The following NALCN variants were observed in gnomAD, a reference collection of about 807,000 sequenced individuals.
The protein encoded by NALCN is sodium leak channel, non-selective, also known as sodium leak channel NALCN.
In NALCN, 111 loss-of-function variants were observed where a neutral mutation model predicts 225.3. That is an observed-to-expected ratio of 0.49 (90% CI 0.42 to 0.58). The LOEUF (loss-of-function observed/expected upper bound fraction) is 0.58, where lower values mean the gene tolerates loss of function less well. Ranked by LOEUF, NALCN falls within the 20% of genes least tolerant of loss-of-function variation. The pLI, the probability that NALCN is intolerant of heterozygous loss-of-function variation, is 0.00. For synonymous variants in NALCN, 764 were observed against 769.0 expected, an observed-to-expected ratio of 0.99 and a Z score of 0.11; for missense variants, 1,378 against 2,202.4, an observed-to-expected ratio of 0.63 and a Z score of 7.49.
At chr13:101,350,799 G>C (rs1303347618) in intron 6 of NALCN, among the ~76,000 whole-genome samples, 2 of 152,130 alleles carry the variant, frequency 1.3e-5, no homozygotes, top group Non-Finnish European at 2.9e-5. Context: ...TAATAGGAAA[G>C]ATTTTGACTT....
chr13:101,359,840 T>G (rs759091118), intron 6 of NALCN, among the ~76,000 whole-genome samples: 1 of 152,166 alleles, frequency 6.6e-6, no homozygotes, highest in Non-Finnish European at 1.5e-5. Context: ...TGTTAAAAAT[T>G]CAGAAACTGA....
chr13:101,095,634 T>C lies in NALCN; in HGVS notation c.3209A>G (p.Asn1070Ser), dbSNP rs1277065548. ...IFRINVSVSK[N>S]LNLKLRPGEK... ...TCCAGGCCTCAATTTTAAATTTAAGTTCTTTGACACACTGACATTAATTCT... is the reference window on the plus strand; with the variant it reads ...TCCAGGCCTCAATTTTAAATTTAAGCTCTTTGACACACTGACATTAATTCT... The change falls in exon 28 of 44, where the codon AAC becomes AGC. Residue 1070 changes from asparagine (N) to serine (S), a missense_variant. Physicochemically the swap from Asn to Ser is conservative, Grantham distance 46. Around this residue, in one of 19 missense-constraint regions of NALCN, gnomAD observed 292 missense variants for 409.5 expected, o/e 0.71. Coordinates refer to ENST00000251127, the MANE Select transcript of NALCN (RefSeq NM_052867.4). 6 of 1,613,398 alleles carry C rather than the reference T, an allele frequency of 3.7e-6. No homozygotes were observed. The highest frequency in any genetic ancestry group is 2.2e-5 in the South Asian group (2 of 90,974).
intron 9 of NALCN, 21 bp downstream of exon 9, chr13:101,291,969 A>G (rs370969566): frequency 6.2e-7 from 1 of 1,612,628 alleles, no homozygotes; most frequent in Non-Finnish European, 8.5e-7. Flanking sequence ...GGGTTATAAC[A>G]TCCTCTTGCT....
intron 1 of NALCN, among the ~76,000 whole-genome samples, chr13:101,415,208 C>CACACATATATATATATATAT (rs1555349509): frequency 2.8e-5 from 3 of 107,808 alleles, no homozygotes; most frequent in African/African-American, 1.1e-4. Context: ...AAATCACACA[C>CACACATATATATATATATAT]ATATATATAT....
intron 6 of NALCN, among the ~76,000 whole-genome samples, chr13:101,364,790 C>G (rs939666452): frequency 6.6e-6 from 1 of 152,068 alleles, no homozygotes; most frequent in Non-Finnish European, 1.5e-5. Flanking sequence ...ATGCCAATTG[C>G]CCTGATTTGA....
chr13:101,134,892 T>A (rs2036694657), intron 17 of NALCN, among the ~76,000 whole-genome samples: 1 of 152,190 alleles, frequency 6.6e-6, no homozygotes, highest in Non-Finnish European at 1.5e-5. Context: ...ATACAGTACT[T>A]AATGATAAGA....
In NALCN at chr13:101,102,720, T is replaced by C. The variant is rs372392846; in HGVS notation, c.3057+452A>G. 3.9e-5 allele frequency among the ~76,000 whole-genome samples: 6 copies of C among 152,382 alleles called. No individual in the cohort carries two copies. In the South Asian group the frequency reaches 6.2e-4, roughly 16 times the overall value. ...ATGTTGCATTTTTAAAGTTGTTTTA[T>C]GTTAACACTCCTGAGATCTAAAGAC... On this transcript the variant is annotated intron_variant, in intron 26 of 43. Coordinates refer to ENST00000251127, the MANE Select transcript of NALCN (RefSeq NM_052867.4).
chr13:101,320,558 A>G (rs2044709225), intron 7 of NALCN, among the ~76,000 whole-genome samples: 1 of 152,134 alleles, frequency 6.6e-6, no homozygotes, highest in South Asian at 2.1e-4. Context: ...TTAAAATAGG[A>G]GAATATTAGA....
At chr13:101,074,693 A>T in intron 35 of NALCN, 31 bp from the exon 36 acceptor site, 1 of 355,694 alleles carries the variant, frequency 2.8e-6, no homozygotes, top group Non-Finnish European at 3.7e-6. Flanking sequence ...GCGGGGAGAC[A>T]GAGAGAGAGA....
At chr13:101,061,425 A>G (rs141671212) in intron 41 of NALCN, among the ~76,000 whole-genome samples, 10,194 of 150,722 alleles carry the variant, frequency 0.068, 464 homozygotes, top group Non-Finnish European at 0.1. Context: ...TGTGTCACCC[A>G]GGCTGGAGTG....
chr13:101,357,298 C>T (rs932734855), intron 6 of NALCN, among the ~76,000 whole-genome samples: 3 of 152,128 alleles, frequency 2.0e-5, no homozygotes, highest in Non-Finnish European at 4.4e-5. Context: ...ATCATCTCAG[C>T]CCGAAAACTC....
intron 7 of NALCN, among the ~76,000 whole-genome samples, chr13:101,311,067 G>C (rs1388074787): frequency 1.3e-5 from 2 of 151,422 alleles, no homozygotes; most frequent in Non-Finnish European, 2.9e-5. Flanking sequence ...CCTTGAAGAG[G>C]TCCTTCACAT....
At chr13:101,358,491 T>C (rs1315248723) in intron 6 of NALCN, among the ~76,000 whole-genome samples, 1 of 152,018 alleles carries the variant, frequency 6.6e-6, no homozygotes, top group Non-Finnish European at 1.5e-5. Context: ...AAAACCACAA[T>C]GCAGTACCAT....
intron 13 of NALCN, among the ~76,000 whole-genome samples, chr13:101,199,347 C>T (rs985250591): frequency 2.0e-5 from 3 of 151,130 alleles, no homozygotes; most frequent in African/African-American, 7.3e-5. Context: ...GACACATGCA[C>T]ACATATGTTT....
intron 15 of NALCN, among the ~76,000 whole-genome samples, chr13:101,151,841 C>T (rs1214762562): frequency 1.3e-5 from 2 of 152,108 alleles, no homozygotes; most frequent in African/African-American, 2.4e-5. Context: ...TTAATAATAC[C>T]TCTGTGTAAT....
chr13:101,348,665 T>C (rs1323754949), intron 6 of NALCN, among the ~76,000 whole-genome samples: 1 of 152,134 alleles, frequency 6.6e-6, no homozygotes, highest in Admixed American at 6.6e-5. Flanking sequence ...TTATATTTGC[T>C]TTTTCTTTCA....
At chr13:101,226,857 C>G (rs558590620) in intron 13 of NALCN, among the ~76,000 whole-genome samples, 1 of 152,260 alleles carries the variant, frequency 6.6e-6, no homozygotes, top group African/African-American at 2.4e-5. Flanking sequence ...TGATCAGGGC[C>G]CAGATGAGGC....
chr13:101,291,399 A>C (rs1178693962), intron 9 of NALCN, among the ~76,000 whole-genome samples: 1 of 152,188 alleles, frequency 6.6e-6, no homozygotes, highest in Non-Finnish European at 1.5e-5. Context: ...GTCAGAATCA[A>C]AGGTATGTAA....
rs2047779049 is a variant in NALCN at position 101,411,346 on chromosome 13, T to G, written c.-40+4967A>C. On this transcript the variant is annotated intron_variant, in intron 1 of 43. Coordinates refer to ENST00000251127, the MANE Select transcript of NALCN (RefSeq NM_052867.4). ...ATTTCCCCTAAAATAAGCATCAGAC[T>G]TTTTTTTTTTTTTTTGAGACGGAGT... is the stretch of plus-strand genomic sequence containing the variant. Among the ~76,000 whole-genome samples, 3 of 25,422 alleles carry G rather than the reference T, an allele frequency of 1.2e-4. No homozygotes were observed. The South Asian group carries it at 3.8e-3, about 32-fold the overall frequency. 16.7% of individuals were successfully genotyped at this position (25,422 alleles called of 152,430 possible).
Sources: allele counts gnomAD v4.1 joint callset (sites outside exome capture counted in the v4.1 genomes callset), GRCh38; gene constraint gnomAD v4.1.1; regional missense constraint gnomAD v4.1.1; transcripts MANE v1.5; gene names NCBI Gene and HGNC (gene_info 2026-07-23, HGNC 2026-07-21).